POM121L2: variants seen among roughly 807,000 people sequenced by gnomAD.
POM121L2 encodes the protein POM121 transmembrane nucleoporin like 2.
For synonymous variants in POM121L2, 459 were observed against 483.8 expected, an observed-to-expected ratio of 0.95 and a Z score of 0.67; for missense variants, 1,167 against 1,260.3, an observed-to-expected ratio of 0.93 and a Z score of 1.12.
chr6:27,310,548 CA>C lies in POM121L2; in HGVS notation c.216+548del, dbSNP rs767695726. The C allele has an allele frequency of 5.2e-6, 8 of 1,552,116 alleles. No individual in the cohort carries two copies. In the South Asian group the frequency reaches 9.5e-5, roughly 18 times the overall value. On this transcript the variant is annotated intron_variant, in intron 1 of 1. Transcript: ENST00000429945. ...AGGAGCTTCCAATCTCGCTGTTGTG[CA>C]GGGGCCCCAAAATCGGTTTTAACAT...
In POM121L2 at chr6:27,310,711, G is replaced by C; in HGVS notation, c.1460C>G (p.Ser487Cys). Residue 487 changes from serine (S) to cysteine (C), a missense_variant, in exon 1 of 1, where the codon TCT (serine) becomes TGT (cysteine). Physicochemically the swap from Ser to Cys is moderately radical, Grantham distance 112. Transcript: ENST00000444565. ...VTDTTWPPST[S>C]QADRSPMPPD... ...GGGCATGGGAGACCTGTCAGCCTGAGAGGTTGAAGGCGGCCAGGTGGTGTC... is the reference window on the plus strand; with the variant it reads ...GGGCATGGGAGACCTGTCAGCCTGACAGGTTGAAGGCGGCCAGGTGGTGTC... The C allele has an allele frequency of 6.4e-7, 1 of 1,551,944 alleles. No homozygotes were observed. Among genetic ancestry groups the C allele is most frequent in the Non-Finnish European group, 8.7e-7 (1 of 1,147,062 alleles).
Position 27,312,228 on chromosome 6 carries a change from G to A in POM121L2, c.-58C>T, listed in dbSNP as rs1431345607. ...GCACGGTTTTGGCTTCCGAGGTTTCGGACGTCTGCAGAATCGGACAGAGTC... is the reference window on the plus strand; with the variant it reads ...GCACGGTTTTGGCTTCCGAGGTTTCAGACGTCTGCAGAATCGGACAGAGTC... On this transcript the variant is annotated 5_prime_UTR_variant, in exon 1 of 1. Coordinates refer to ENST00000444565, the MANE Select transcript of POM121L2 (RefSeq NM_033482.4). This position sits in a 1 kb window ranked among gnomAD's most constrained non-coding sequence, Gnocchi z 6.7. 9 of 1,088,262 alleles carry A rather than the reference G, an allele frequency of 8.3e-6. No homozygotes were observed. The highest frequency in any genetic ancestry group is 1.1e-5 in the Non-Finnish European group (9 of 786,532). 67.4% of individuals were successfully genotyped at this position (1,088,262 alleles called of 1,614,324 possible).
At position 27,310,142 on chromosome 6, in the gene POM121L2, A is replaced by G. The variant is rs1760724148; in HGVS notation, c.2029T>C (p.Phe677Leu). Residue 677 changes from phenylalanine (F) to leucine (L), a missense_variant, in exon 1 of 1, where the codon TTC becomes CTC. By Grantham distance (22) the Phe-to-Leu change is conservative. Coordinates refer to ENST00000444565, the MANE Select transcript of POM121L2 (RefSeq NM_033482.4). ...LGTAQAFRAD[F>L]TPATGFIFPP... is the part of the protein sequence containing the mutation. ...AAAATGAATCCTGTGGCTGGGGTGAAGTCGGCCCTGAAGGCCTGAGCAGTC... is the reference window on the plus strand; with the variant it reads ...AAAATGAATCCTGTGGCTGGGGTGAGGTCGGCCCTGAAGGCCTGAGCAGTC... 2 of 1,551,900 alleles carry G rather than the reference A, an allele frequency of 1.3e-6. No individual in the cohort carries two copies. The highest frequency in any genetic ancestry group is 8.7e-7 in the Non-Finnish European group (1 of 1,147,042).
In POM121L2 at chr6:27,310,286, C is replaced by T; in HGVS notation, c.1885G>A (p.Ala629Thr). ...AAAACAGAGTCTTTAGATGTGCTGG[C>T]TAGGGTGGTGGACATGACCACAGAG... is the stretch of plus-strand genomic sequence containing the variant. ...ATSVVMSTTL[A>T]STSKDSVFKP... Residue 629 changes from alanine (A) to threonine (T), a missense_variant, in exon 1 of 1, where the codon GCC becomes ACC. Transcript: ENST00000444565. The T allele has an allele frequency of 3.9e-6, 6 of 1,552,300 alleles. No individual in the cohort carries two copies. Among genetic ancestry groups the T allele is most frequent in the Non-Finnish European group, 4.4e-6 (5 of 1,147,120 alleles).
Position 27,309,818 on chromosome 6 carries a change from C to T in POM121L2, c.2353G>A (p.Gly785Arg). ...AFGATNGQKQ[G>R]PSQPALMPSV... ...GGCATAAGGGCTGGCTGGGAAGGCC[C>T]TTGTTTCTGTCCATTTGTGGCACCA... The change falls in exon 1 of 1, where the codon GGG becomes AGG. Residue 785 changes from glycine to arginine, a missense_variant. By Grantham distance (125) the Gly-to-Arg change is moderately radical. Coordinates refer to ENST00000444565, the MANE Select transcript of POM121L2 (RefSeq NM_033482.4). 6.4e-7 allele frequency: 1 copy of T among 1,551,718 alleles called. No homozygotes were observed. Among genetic ancestry groups the T allele is most frequent in the Non-Finnish European group, 8.7e-7 (1 of 1,146,992 alleles).
Position 27,311,064 on chromosome 6 carries a change from C to T in POM121L2, c.1107G>A (p.Glu369=). The change falls in exon 1 of 1, where the codon GAG becomes GAA. Residue 369 remains glutamate, a synonymous_variant. Transcript: ENST00000444565. ...TCTCAGGGAAAGGGTCTGTGTTGAC[C>T]TCAGTTGTATCTTCTCCTGCGTTGT... ...VSNNAGEDTT[E]VNTDPFPETW... is the part of the protein sequence containing the mutation. The T allele has an allele frequency of 6.4e-7, 1 of 1,551,980 alleles. No homozygotes were observed. Among genetic ancestry groups the T allele is most frequent in the Non-Finnish European group, 8.7e-7 (1 of 1,147,052 alleles).
In POM121L2 at chr6:27,311,295, A is replaced by G. The variant is rs1276351184; in HGVS notation, c.876T>C (p.Cys292=). 6.4e-7 allele frequency: 1 copy of G among 1,551,600 alleles called. No homozygotes were observed. The highest frequency in any genetic ancestry group is 8.7e-7 in the Non-Finnish European group (1 of 1,147,020). Residue 292 remains cysteine, a synonymous_variant, in exon 1 of 1, where the codon TGT becomes TGC. Coordinates refer to ENST00000444565, the MANE Select transcript of POM121L2 (RefSeq NM_033482.4). The part of the protein sequence containing the change: ...PEWPIKKEKS[C]HRPSSPVPLV... ...GTGGGACTGGAGAGGAAGGCCGATG[A>G]CAACTTTTTTCCTTTTTTATTGGCC...
In POM121L2 at chr6:27,310,723, G is replaced by T; in HGVS notation, c.1448C>A (p.Pro483Gln). 4 of 1,551,904 alleles carry T rather than the reference G, an allele frequency of 2.6e-6. No homozygotes were observed. The highest frequency in any genetic ancestry group is 3.5e-6 in the Non-Finnish European group (4 of 1,147,060). ...CCTGTCAGCCTGAGAGGTTGAAGGCGGCCAGGTGGTGTCAGTAACTGGTAA... is the reference window on the plus strand; with the variant it reads ...CCTGTCAGCCTGAGAGGTTGAAGGCTGCCAGGTGGTGTCAGTAACTGGTAA... ...PTLPVTDTTW[P>Q]PSTSQADRSP... Residue 483 changes from proline (P) to glutamine (Q), a missense_variant, in exon 1 of 1, where the codon CCG (proline) becomes CAG (glutamine). Pro to Gln is a moderately conservative substitution (Grantham distance 76). Transcript: ENST00000444565.
In POM121L2 at chr6:27,311,299, C is replaced by G. The variant is rs903135624; in HGVS notation, c.872G>C (p.Ser291Thr). The G allele has an allele frequency of 1.2e-5, 18 of 1,551,652 alleles. No individual in the cohort carries two copies. The highest frequency in any genetic ancestry group is 1.5e-5 in the Non-Finnish European group (17 of 1,147,008). ...GACTGGAGAGGAAGGCCGATGACAA[C>G]TTTTTTCCTTTTTTATTGGCCACTC... Reference protein sequence around the residue: ...TPEWPIKKEKSCHRPSSPVPL... With the variant: ...TPEWPIKKEKTCHRPSSPVPL... Residue 291 changes from serine (S) to threonine (T), a missense_variant, in exon 1 of 1, where the codon AGT (serine) becomes ACT (threonine). Coordinates refer to ENST00000444565, the MANE Select transcript of POM121L2 (RefSeq NM_033482.4).
In POM121L2 at chr6:27,310,840, G is replaced by A. The variant is rs919579838; in HGVS notation, c.1331C>T (p.Pro444Leu). The change falls in exon 1 of 1, where the codon CCT becomes CTT. Residue 444 changes from proline to leucine, a missense_variant. Physicochemically the swap from Pro to Leu is moderately conservative, Grantham distance 98. Coordinates refer to ENST00000444565, the MANE Select transcript of POM121L2 (RefSeq NM_033482.4). Reference protein sequence around the residue: ...PLKTPSLPTPPGCSQSELLPG... With the variant: ...PLKTPSLPTPLGCSQSELLPG... ...AAGGAGCTCTGACTGTGAGCACCCA[G>A]GTGGGGTCGGTAGGCTGGGTGTCTT... is the stretch of plus-strand genomic sequence containing the variant. 3 of 1,551,628 alleles carry A rather than the reference G, an allele frequency of 1.9e-6. No individual in the cohort carries two copies. In the African/African-American group the frequency reaches 4.1e-5, roughly 21 times the overall value.
rs573936624 is a variant in POM121L2, at chr6:27,310,168, C to T, written c.2003G>A (p.Gly668Glu). 9.7e-6 allele frequency: 15 copies of T among 1,551,986 alleles called. No individual in the cohort carries two copies. Among genetic ancestry groups the T allele is most frequent in the Middle Eastern group, 1.7e-4 (1 of 5,992 alleles). ...VPSTCDTFLL[G>E]TAQAFRADFT... is the part of the protein sequence containing the mutation. ...GTCGGCCCTGAAGGCCTGAGCAGTC[C>T]CAAGCAGGAAAGTGTCGCAAGTGGA... The change falls in exon 1 of 1, where the codon GGG becomes GAG. Residue 668 changes from glycine (G) to glutamate (E), a missense_variant. By Grantham distance (98) the Gly-to-Glu change is moderately conservative (BLOSUM62 -2). Coordinates refer to ENST00000444565, the MANE Select transcript of POM121L2 (RefSeq NM_033482.4).
Position 27,309,016 on chromosome 6 carries a change from A to G in POM121L2, c.*47T>C, listed in dbSNP as rs762692240. 7.0e-7 allele frequency: 1 copy of G among 1,421,264 alleles called. No individual in the cohort carries two copies. Among genetic ancestry groups the G allele is most frequent in the Non-Finnish European group, 9.4e-7 (1 of 1,064,250 alleles). 88.0% of individuals were successfully genotyped at this position (1,421,264 alleles called of 1,614,324 possible). A position where few individuals can be genotyped will look rare whatever the true frequency, so the allele number is the denominator to read the frequency against. On this transcript the variant is annotated 3_prime_UTR_variant, in exon 1 of 1. Coordinates refer to ENST00000444565, the MANE Select transcript of POM121L2 (RefSeq NM_033482.4). ...TTGGAAGACACTGAGGTTTTTCAAA[A>G]ACAATACTGAGGTCTAAATCAGGGT...
Position 27,309,378 on chromosome 6 carries a change from G to T in POM121L2, c.2793C>A (p.Thr931=). ...IGALPSGTTN[T]MIPFGKGWSQ... is the part of the protein sequence containing the mutation. Reference sequence around the variant, plus strand: ...TCCAGCCTTTTCCAAAGGGGATCATGGTGTTAGTGGTCCCACTAGGCAATG... The same window carrying T: ...TCCAGCCTTTTCCAAAGGGGATCATTGTGTTAGTGGTCCCACTAGGCAATG... Residue 931 remains threonine, a synonymous_variant, in exon 1 of 1, where the codon ACC becomes ACA. Transcript: ENST00000444565. 6.4e-7 allele frequency: 1 copy of T among 1,551,630 alleles called. No individual in the cohort carries two copies.
At position 27,309,396 on chromosome 6, in the gene POM121L2, A is replaced by G. The variant is rs1760712662; in HGVS notation, c.2775T>C (p.Pro925=). 1 of 1,551,636 alleles carries G rather than the reference A, an allele frequency of 6.4e-7. No individual in the cohort carries two copies. The part of the protein sequence containing the change: ...TSGAFSIGAL[P]SGTTNTMIPF... ...GGATCATGGTGTTAGTGGTCCCACTAGGCAATGCTCCAATGCTGAAAGCTC... is the reference window on the plus strand; with the variant it reads ...GGATCATGGTGTTAGTGGTCCCACTGGGCAATGCTCCAATGCTGAAAGCTC... The change falls in exon 1 of 1, where the codon CCT becomes CCC. Residue 925 remains proline (P), a synonymous_variant. Transcript: ENST00000444565.
chr6:27,310,017 A>C lies in POM121L2; in HGVS notation c.2154T>G (p.Thr718=), dbSNP rs1760722428. Residue 718 remains threonine, a synonymous_variant, in exon 1 of 1, where the codon ACT becomes ACG. Transcript: ENST00000444565. ...GGCTGCCCATACCCCTGAAATTAGC[A>C]GTGCTGCTTCTAGGGGATATCTGTA... The part of the protein sequence containing the change: ...SVVQISPRSS[T]ANFRGMGSPL... 2 of 1,552,114 alleles carry C rather than the reference A, an allele frequency of 1.3e-6. No individual in the cohort carries two copies. Among genetic ancestry groups the C allele is most frequent in the Middle Eastern group, 1.7e-4 (1 of 5,994 alleles).
upstream of POM121L2, chr6:27,311,929 AT>A: frequency 2.6e-6 from 4 of 1,551,698 alleles, no homozygotes; most frequent in African/African-American, 5.5e-5. Flanking sequence ...GGACTTCTTC[AT>A]GGGAAAGCGC....
Position 27,310,366 on chromosome 6 carries a change from G to C in POM121L2, c.1805C>G (p.Pro602Arg). Residue 602 changes from proline (P) to arginine (R), a missense_variant, in exon 1 of 1, where the codon CCT becomes CGT. Physicochemically the swap from Pro to Arg is moderately radical, Grantham distance 103. Coordinates refer to ENST00000444565, the MANE Select transcript of POM121L2 (RefSeq NM_033482.4). Reference sequence around the variant, plus strand: ...GGTAGAAGCATGAGTAAATGGAGGAGGGGTCTGCTTGGAGGAGAAAGGAGC... The same window carrying C: ...GGTAGAAGCATGAGTAAATGGAGGACGGGTCTGCTTGGAGGAGAAAGGAGC... ...MIAPFSSKQT[P>R]PPFTHASTHH... The C allele has an allele frequency of 2.6e-6, 4 of 1,552,186 alleles. No individual in the cohort carries two copies. Among genetic ancestry groups the C allele is most frequent in the Non-Finnish European group, 3.5e-6 (4 of 1,147,104 alleles).
Position 27,312,138 on chromosome 6 carries a change from C to G in POM121L2, c.33G>C (p.Ser11=). The change falls in exon 1 of 1, where the codon TCG becomes TCC. Residue 11 remains serine, a synonymous_variant. Transcript: ENST00000444565. This position sits in a 1 kb window ranked among gnomAD's most constrained non-coding sequence, Gnocchi z 6.7. The part of the protein sequence containing the change: MGSFLSKLEL[S]PSSPAQVRTD... ...TGCGCACCTGGGCTGGGGACGAGGG[C>G]GAAAGTTCCAGTTTGCTCAGGAAAC... The G allele has an allele frequency of 6.9e-7, 1 of 1,453,496 alleles. No homozygotes were observed. Among genetic ancestry groups the G allele is most frequent in the Non-Finnish European group, 9.1e-7 (1 of 1,101,138 alleles). The allele number at this position is 1,453,496 out of a possible 1,614,324, so 90.0% of individuals were successfully genotyped here.
Position 27,312,103 on chromosome 6 carries a change from G to T in POM121L2, c.68C>A (p.Pro23His). The T allele has an allele frequency of 6.8e-7, 1 of 1,477,072 alleles. No homozygotes were observed. Among genetic ancestry groups the T allele is most frequent in the Non-Finnish European group, 9.0e-7 (1 of 1,111,782 alleles). 91.5% of individuals were successfully genotyped at this position (1,477,072 alleles called of 1,614,324 possible). Residue 23 changes from proline to histidine, a missense_variant, in exon 1 of 1, where the codon CCC becomes CAC. By Grantham distance (77) the Pro-to-His change is moderately conservative (BLOSUM62 -2). Coordinates refer to ENST00000444565, the MANE Select transcript of POM121L2 (RefSeq NM_033482.4). The surrounding 1 kb of genome is among the most constrained non-coding windows in gnomAD (Gnocchi z 6.7). ...SSPAQVRTDL[P>H]ERPTKRRPPQ... ...TGGCCGGCGTTTCGTGGGCCTCTCG[G>T]GCAAGTCGGTGCGCACCTGGGCTGG...
Sources: gnomAD v4.1 joint callset for allele counts on GRCh38, gnomAD v4.1.1 for gene constraint, Gnocchi (gnomAD v3.1) non-coding constraint, MANE v1.5 for transcripts, NCBI Gene and HGNC (gene_info 2026-07-23, HGNC 2026-07-21) for gene names.